CSMD1: variants seen among roughly 807,000 people sequenced by gnomAD.
The protein encoded by CSMD1 is CUB and Sushi multiple domains 1.
Under a neutral mutation model 417.5 loss-of-function variants are expected in CSMD1, and 213 were observed. That is an observed-to-expected ratio of 0.51 (90% CI 0.46 to 0.57). The LOEUF is 0.57. CSMD1 is among the 20% of genes least tolerant of loss of function. The probability of loss-of-function intolerance (pLI) is 0.00; values close to 1 mark genes in which losing one functional copy is unlikely to be tolerated. For missense variants in CSMD1, 6,923 were observed against 4,529.7 expected (o/e 1.53, Z -15.17); for synonymous variants, 2,862 against 1,736.8 (o/e 1.65, Z -16.11).
chr8:4,880,133 G>T (rs752289704), intron 1 of CSMD1, among the ~76,000 whole-genome samples: 2 of 152,068 alleles, frequency 1.3e-5, no homozygotes, highest in African/African-American at 2.4e-5. Context: ...GCCACTTTCT[G>T]CTGGAAGATA....
intron 18 of CSMD1, among the ~76,000 whole-genome samples, chr8:3,382,148 G>C (rs963453864): frequency 7.2e-5 from 11 of 151,802 alleles, no homozygotes; most frequent in Non-Finnish European, 1.3e-4. Context: ...AATCCCGGCT[G>C]CTCGGGAGGC....
intron 18 of CSMD1, among the ~76,000 whole-genome samples, chr8:3,374,014 G>T (rs1043941411): frequency 6.7e-5 from 10 of 149,874 alleles, no homozygotes; most frequent in Non-Finnish European, 1.2e-4. Context: ...GTGCAGTGGT[G>T]AGATCTTGGC....
At chr8:4,303,037 G>C (rs1225933285) in intron 3 of CSMD1, among the ~76,000 whole-genome samples, 2 of 151,998 alleles carry the variant, frequency 1.3e-5, no homozygotes, top group South Asian at 2.1e-4. Flanking sequence ...TTTGTGTTTA[G>C]GGAAAACACA....
intron 5 of CSMD1, among the ~76,000 whole-genome samples, chr8:3,987,723 C>A (rs757271472): frequency 6.6e-6 from 1 of 152,270 alleles, no homozygotes; most frequent in Middle Eastern, 3.4e-3. Context: ...AGGTCACTAG[C>A]AGCATAAAGT....
chr8:3,329,646 C>T (rs2117531119), intron 23 of CSMD1, among the ~76,000 whole-genome samples: 1 of 152,294 alleles, frequency 6.6e-6, no homozygotes, highest in African/African-American at 2.4e-5. Flanking sequence ...CAAAGGTCTG[C>T]CTGCCATCAA....
intron 3 of CSMD1, among the ~76,000 whole-genome samples, chr8:4,201,687 T>C (rs919485552): frequency 2.0e-4 from 31 of 151,908 alleles, no homozygotes; most frequent in African/African-American, 6.5e-4. Context: ...TCAAGTGTTA[T>C]ACCTATGTGA....
rs565378115 is a variant in CSMD1, at chr8:3,455,940, G to A, written c.1561+12772C>T. ...TCTACAGAGGCAGGCAGGCCTCCTT[G>A]AGCTGAGGTGGGCTCCACCCAGTTC... On this transcript the variant is annotated intron_variant, in intron 12 of 69. Coordinates refer to ENST00000635120, the MANE Select transcript of CSMD1 (RefSeq NM_033225.6). Among the ~76,000 whole-genome samples, 27 of 152,306 alleles carry A rather than the reference G, an allele frequency of 1.8e-4. No individual in the cohort carries two copies. In the South Asian group the frequency reaches 5.6e-3, roughly 32 times the overall value.
chr8:4,300,901 A>T (rs1250636976), intron 3 of CSMD1, among the ~76,000 whole-genome samples: 1 of 152,154 alleles, frequency 6.6e-6, no homozygotes, highest in African/African-American at 2.4e-5. Flanking sequence ...TCCATGGTGT[A>T]TATGTGCCAC....
chr8:4,023,547 G>A lies in CSMD1; in HGVS notation c.610+8358C>T, dbSNP rs147036081. ...TGGCTCTGTGCTGAGCAATATTCAC[G>A]CACTTACCAAAATATGAATGCTTAC... On this transcript the variant is annotated intron_variant, in intron 4 of 69. Coordinates refer to ENST00000635120, the MANE Select transcript of CSMD1 (RefSeq NM_033225.6). Among the ~76,000 whole-genome samples the A allele has an allele frequency of 6.7e-3, 1,008 of 151,146 alleles. 22 individuals carry two copies. The highest frequency in any genetic ancestry group is 0.046 in the Admixed American group (690 of 15,150).
chr8:4,464,127 G>A (rs909446133), intron 2 of CSMD1, among the ~76,000 whole-genome samples: 4 of 149,524 alleles, frequency 2.7e-5, no homozygotes, highest in Non-Finnish European at 4.5e-5. Context: ...AGAACCTTGA[G>A]TCGAAGGCTT....
chr8:3,760,769 T>G (rs1797950172), intron 5 of CSMD1, among the ~76,000 whole-genome samples: 1 of 152,212 alleles, frequency 6.6e-6, no homozygotes, highest in South Asian at 2.1e-4. Flanking sequence ...CAGAGAAATG[T>G]CTGGGGGTCC....
intron 2 of CSMD1, among the ~76,000 whole-genome samples, chr8:4,530,606 T>C (rs999356778): frequency 2.0e-5 from 3 of 151,644 alleles, no homozygotes; most frequent in African/African-American, 4.9e-5. Flanking sequence ...CTTGATTTTC[T>C]GTTCCTGTAT....
intron 3 of CSMD1, among the ~76,000 whole-genome samples, chr8:4,287,951 A>G (rs1019661777): frequency 6.6e-6 from 1 of 152,144 alleles, no homozygotes; most frequent in Non-Finnish European, 1.5e-5. Context: ...TTTTCTCCAG[A>G]TAGCAAATCC....
intron 3 of CSMD1, among the ~76,000 whole-genome samples, chr8:4,092,510 C>T (rs4875271): frequency 0.99 from 150,455 of 152,332 alleles, 74,329 homozygotes; most frequent in East Asian, 1. Flanking sequence ...TTTCAGTAGG[C>T]ATATTTAAAA....
At chr8:3,415,975 G>C (rs1563366411) in intron 12 of CSMD1, among the ~76,000 whole-genome samples, 1 of 152,166 alleles carries the variant, frequency 6.6e-6, no homozygotes, top group African/African-American at 2.4e-5. Flanking sequence ...ACTAGCTACA[G>C]TGACTTTTCA....
In CSMD1 at chr8:3,510,682, C is replaced by G. The variant is rs1014820583; in HGVS notation, c.1345-16956G>C. Among the ~76,000 whole-genome samples the G allele has an allele frequency of 4.2e-4, 13 of 31,086 alleles. No homozygotes were observed. The Middle Eastern group carries it at 0.048, about 116-fold the overall frequency. The allele number at this position is 31,086 out of a possible 152,430, so 20.4% of individuals were successfully genotyped here. A position where few individuals can be genotyped will look rare whatever the true frequency, so the allele number is the denominator to read the frequency against. ...TATGTAAGATATAGAGGCAGGATTACTTTTTAATGATTGCCATTCTAACTG... is the reference window on the plus strand; with the variant it reads ...TATGTAAGATATAGAGGCAGGATTAGTTTTTAATGATTGCCATTCTAACTG... On this transcript the variant is annotated intron_variant, in intron 10 of 69. Transcript: ENST00000635120.
chr8:3,246,283 C>T (rs924961508), intron 26 of CSMD1, among the ~76,000 whole-genome samples: 3 of 152,086 alleles, frequency 2.0e-5, no homozygotes, highest in African/African-American at 7.2e-5. Context: ...GATCTCATTC[C>T]TCACATGGGA....
chr8:4,475,416 C>T (rs953974143), intron 2 of CSMD1, among the ~76,000 whole-genome samples: 1 of 152,052 alleles, frequency 6.6e-6, no homozygotes, highest in South Asian at 2.1e-4. Context: ...TTGAGTGTTT[C>T]TCTTTTTTAA....
intron 5 of CSMD1, among the ~76,000 whole-genome samples, chr8:3,782,186 A>G: frequency 6.6e-6 from 1 of 152,220 alleles, no homozygotes; most frequent in East Asian, 1.9e-4. Context: ...TTCATGTCAC[A>G]TGAAAAGCAA....
Sources: gnomAD v4.1 joint callset for allele counts (sites outside exome capture counted in the v4.1 genomes callset) on GRCh38, gnomAD v4.1.1 for gene constraint, MANE v1.5 for transcripts, NCBI Gene and HGNC (gene_info 2026-07-23, HGNC 2026-07-21) for gene names.